Variants in CREB5 observed in about 807,000 individuals in gnomAD.
CREB5 encodes the protein cyclic AMP-responsive element-binding protein 5.
In CREB5, 19 loss-of-function variants were observed where a neutral mutation model predicts 57.1. The ratio of observed to expected loss-of-function variants is 0.33; its 90% CI spans 0.23 to 0.49. CREB5 has a LOEUF of 0.49. CREB5 is among the 20% of genes least tolerant of loss of function. The pLI, the probability that CREB5 is intolerant of heterozygous loss-of-function variation, is 0.99. For missense variants in CREB5, 579 were observed against 671.6 expected, an observed-to-expected ratio of 0.86 and a Z score of 1.52; for synonymous variants, 238 against 238.3, an observed-to-expected ratio of 1.00 and a Z score of 0.01.
chr7:28,505,192 G>T (rs754913646), intron 3 of CREB5, among the ~76,000 whole-genome samples: 1 of 124,126 alleles, frequency 8.1e-6, no homozygotes, highest in Non-Finnish European at 1.9e-5. Context: ...GCTCATGCAC[G>T]TGCACACACA....
chr7:28,435,701 G>T, intron 1 of CREB5: 2 of 979,864 alleles, frequency 2.0e-6, no homozygotes, highest in Non-Finnish European at 2.4e-6. Flanking sequence ...AAGTGGTGGG[G>T]TTGTATAATA....
intron 5 of CREB5, among the ~76,000 whole-genome samples, chr7:28,584,093 G>A (rs1044890652): frequency 4.6e-5 from 7 of 152,016 alleles, no homozygotes; most frequent in African/African-American, 1.7e-4. Flanking sequence ...AGTCAAGCCC[G>A]AACTCTGCCG....
At chr7:28,788,074 G>T (rs1035143447) in intron 7 of CREB5, among the ~76,000 whole-genome samples, 4 of 152,160 alleles carry the variant, frequency 2.6e-5, no homozygotes, top group African/African-American at 7.2e-5. Context: ...TTTAGTCATG[G>T]TTTAGTTAAC....
intron 7 of CREB5, among the ~76,000 whole-genome samples, chr7:28,733,113 G>A (rs1164087476): frequency 2.0e-5 from 3 of 152,100 alleles, no homozygotes; most frequent in Non-Finnish European, 2.9e-5. Context: ...TGTTCAAGGA[G>A]GATGAGATTT....
intron 5 of CREB5, among the ~76,000 whole-genome samples, chr7:28,658,953 G>GTGTATATA (rs1400561698): frequency 1.0e-5 from 1 of 99,584 alleles, no homozygotes; most frequent in African/African-American, 3.3e-5. Flanking sequence ...GTGTGTGTGT[G>GTGTATATA]TATATATATA....
At chr7:28,473,970 C>T (rs1490653533) in intron 1 of CREB5, among the ~76,000 whole-genome samples, 1 of 152,202 alleles carries the variant, frequency 6.6e-6, no homozygotes, top group Admixed American at 6.5e-5. Context: ...CATTTTTTAA[C>T]AGACTATCTG....
intron 7 of CREB5, among the ~76,000 whole-genome samples, chr7:28,761,646 G>C (rs562888171): frequency 6.6e-6 from 1 of 152,028 alleles, no homozygotes; most frequent in Middle Eastern, 3.2e-3. Flanking sequence ...GCTGGAGCAA[G>C]TCATATAGCT....
At chr7:28,410,485 C>T, upstream of CREB5, 1 of 456,724 alleles carries the variant, frequency 2.2e-6, no homozygotes, top group South Asian at 1.5e-5. Context: ...GATGTTTTCT[C>T]TCAGCAGCTG....
intron 1 of CREB5, among the ~76,000 whole-genome samples, chr7:28,369,348 A>G (rs190475412): frequency 2.1e-3 from 318 of 152,290 alleles, no homozygotes; most frequent in Non-Finnish European, 3.9e-3. Flanking sequence ...CTACTGAGCA[A>G]TGACGTGGAA....
At chr7:28,325,495 A>G (rs1361691264) in intron 1 of CREB5, among the ~76,000 whole-genome samples, 4 of 151,988 alleles carry the variant, frequency 2.6e-5, no homozygotes, top group African/African-American at 9.7e-5. Flanking sequence ...TGCTTAAACC[A>G]TTCCGAAGGC....
chr7:28,429,199 G>A (rs1056319339), intron 1 of CREB5, among the ~76,000 whole-genome samples: 1 of 151,932 alleles, frequency 6.6e-6, no homozygotes, highest in African/African-American at 2.4e-5. Flanking sequence ...GCTAATTTTT[G>A]TATTTTTGTA....
chr7:28,542,974 T>C (rs1385986810), intron 4 of CREB5, among the ~76,000 whole-genome samples: 2 of 152,176 alleles, frequency 1.3e-5, no homozygotes, highest in Non-Finnish European at 2.9e-5. Context: ...CTTTTCCTGA[T>C]TTTTATTTTC....
chr7:28,470,322 G>T (rs921059110), intron 1 of CREB5, among the ~76,000 whole-genome samples: 1 of 152,120 alleles, frequency 6.6e-6, no homozygotes, highest in African/African-American at 2.4e-5. Flanking sequence ...GAGAACATGC[G>T]ATGTTTGTCT....
At chr7:28,522,390 G>GTTTTTTTTTT (rs11291433) in intron 4 of CREB5, among the ~76,000 whole-genome samples, 2 of 97,604 alleles carry the variant, frequency 2.0e-5, no homozygotes, top group African/African-American at 3.6e-5. Context: ...CCTGCTCTTT[G>GTTTTTTTTTT]TTTTTTTTTT....
rs77048931 is a variant in CREB5, at chr7:28,332,285, G to T, written c.-25+32844G>T. ...CTGTGGACTTTTGAACTCCAGAACCGTGAGATAATGCATTTCTGTTGTCTG... is the reference window on the plus strand; with the variant it reads ...CTGTGGACTTTTGAACTCCAGAACCTTGAGATAATGCATTTCTGTTGTCTG... On this transcript the variant is annotated intron_variant, in intron 1 of 9. Coordinates refer to the CREB5 transcript ENST00000396299. Among the ~76,000 whole-genome samples, 1,072 of 152,246 alleles carry T rather than the reference G, an allele frequency of 7.0e-3. 11 individuals carry two copies. The highest frequency in any genetic ancestry group is 0.024 in the African/African-American group (1,014 of 41,542).
intron 1 of CREB5, among the ~76,000 whole-genome samples, chr7:28,353,886 A>G (rs942940490): frequency 4.0e-5 from 6 of 151,824 alleles, no homozygotes; most frequent in African/African-American, 7.3e-5. Flanking sequence ...GGAAAACTGA[A>G]AGTAGCTCAG....
intron 1 of CREB5, among the ~76,000 whole-genome samples, chr7:28,454,143 C>T (rs76194790): frequency 0.23 from 34,355 of 151,758 alleles, 4,352 homozygotes; most frequent in Middle Eastern, 0.31. Flanking sequence ...TTAGAAGAGA[C>T]GGGGCTTCAT....
In CREB5 at chr7:28,560,933, T is replaced by TGC. The variant is rs1224485964; in HGVS notation, c.292-9431_292-9430insCG. Among the ~76,000 whole-genome samples the TGC allele has an allele frequency of 0.017, 821 of 49,292 alleles. 73 individuals are homozygous for TGC. In the East Asian group the frequency reaches 0.24, roughly 14 times the overall value. 32.3% of individuals were successfully genotyped at this position (49,292 alleles called of 152,430 possible). A position where few individuals can be genotyped will look rare whatever the true frequency, so the allele number is the denominator to read the frequency against. On this transcript the variant is annotated intron_variant, in intron 4 of 10. Transcript: ENST00000357727. ...GCGTGTGCGTGTGTGCGCGTGCGTG[T>TGC]GTGCGTGCGTGTGTGTGCGTGTGTG...
At chr7:28,521,174 A>T (rs1223916844) in intron 4 of CREB5, among the ~76,000 whole-genome samples, 1 of 102,200 alleles carries the variant, frequency 9.8e-6, no homozygotes, top group African/African-American at 2.7e-5. Context: ...GCACGTGTGT[A>T]TAAGTGTGTG....
Sources: gnomAD v4.1 joint callset for allele counts (sites outside exome capture counted in the v4.1 genomes callset) on GRCh38, gnomAD v4.1.1 for gene constraint, MANE v1.5 for transcripts, NCBI Gene and HGNC (gene_info 2026-07-23, HGNC 2026-07-21) for gene names.